The following SNCG variants were observed in gnomAD, a reference collection of about 807,000 sequenced individuals.
SNCG encodes the protein synuclein gamma.
A neutral mutation model predicts 16.0 loss-of-function variants in SNCG; 13 were observed. The ratio of observed to expected loss-of-function variants is 0.81; its 90% confidence interval spans 0.53 to 1.29. The LOEUF (loss-of-function observed/expected upper bound fraction) is 1.29. Among genes scored for constraint, SNCG ranks in the 50% most tolerant of loss-of-function variants. The pLI is 0.00. For synonymous variants in SNCG, 66 were observed against 66.3 expected, an observed-to-expected ratio of 1.00 and a Z score of 0.02; for missense variants, 154 against 168.5, an observed-to-expected ratio of 0.91 and a Z score of 0.48.
Position 86,959,996 on chromosome 10 carries a change from C to T in SNCG, c.164-5C>T, listed in dbSNP as rs1414105974. The T allele has an allele frequency of 6.3e-7, 1 of 1,590,880 alleles. No homozygotes were observed. The highest frequency in any genetic ancestry group is 8.5e-7 in the Non-Finnish European group (1 of 1,169,672). On this transcript the variant is annotated splice_polypyrimidine_tract_variant and splice_region_variant and intron_variant, in intron 2 of 4. Coordinates refer to ENST00000372017, the MANE Select transcript of SNCG (RefSeq NM_003087.3). This position sits in a 1 kb window ranked among gnomAD's most constrained non-coding sequence, Gnocchi z 4.3. ...GGGTGGAGGCCAGCCAGTGTCCTCCCATAGTGGCCGAGAAGACCAAGGAGC... is the reference window on the plus strand; with the variant it reads ...GGGTGGAGGCCAGCCAGTGTCCTCCTATAGTGGCCGAGAAGACCAAGGAGC...
Position 86,959,454 on chromosome 10 carries a change from T to C in SNCG, c.122-179T>C, listed in dbSNP as rs1844299441. 9.4e-6 allele frequency: 6 copies of C among 636,970 alleles called. No homozygotes were observed. The highest frequency in any genetic ancestry group is 9.1e-5 in the African/African-American group (5 of 54,670). The allele number at this position is 636,970 out of a possible 1,614,324, so 39.5% of individuals were successfully genotyped here. A position where few individuals can be genotyped will look rare whatever the true frequency, so the allele number is the denominator to read the frequency against. On this transcript the variant is annotated intron_variant, in intron 1 of 4. Coordinates refer to ENST00000372017, the MANE Select transcript of SNCG (RefSeq NM_003087.3). This position sits in a 1 kb window ranked among gnomAD's most constrained non-coding sequence, Gnocchi z 4.3. ...CACATTCTGTCCTGTCCCCTTCCCA[T>C]CCATCCACTTCTTCCAGACACAGCA... is the stretch of plus-strand genomic sequence containing the variant.
Position 86,962,633 on chromosome 10 carries a change from G to T in SNCG, c.321G>T (p.Gln107His). ...KEDLRPSAPQ[Q>H]EGEASKEKEE... ...ACTTGAGGCCATCTGCCCCCCAACA[G>T]GAGGGTGAGGCATCCAAAGAGAAAG... Residue 107 changes from glutamine to histidine, a missense_variant, in exon 4 of 5, where the codon CAG becomes CAT. By Grantham distance (24) the Gln-to-His change is conservative. Transcript: ENST00000372017. The T allele has an allele frequency of 6.2e-7, 1 of 1,612,996 alleles. No individual in the cohort carries two copies. Among genetic ancestry groups the T allele is most frequent in the Non-Finnish European group, 8.5e-7 (1 of 1,179,530 alleles).
Position 86,960,031 on chromosome 10 carries a change from C to T in SNCG, c.194C>T (p.Ala65Val), listed in dbSNP as rs199851904. The T allele has an allele frequency of 3.1e-6, 5 of 1,609,894 alleles. No individual in the cohort carries two copies. The highest frequency in any genetic ancestry group is 1.3e-5 in the African/African-American group (1 of 75,032). Residue 65 changes from alanine to valine, a missense_variant, in exon 3 of 5, where the codon GCC becomes GTC. By Grantham distance (64) the Ala-to-Val change is moderately conservative. Coordinates refer to ENST00000372017, the MANE Select transcript of SNCG (RefSeq NM_003087.3). ...GAGAAGACCAAGGAGCAGGCCAACG[C>T]CGTGAGCGAGGCTGTGGTGAGCAGC... ...VAEKTKEQAN[A>V]VSEAVVSSVN...
At position 86,959,395 on chromosome 10, in the gene SNCG, T is replaced by G; in HGVS notation, c.122-238T>G. 3.4e-6 allele frequency: 2 copies of G among 584,814 alleles called. No individual in the cohort carries two copies. Among genetic ancestry groups the G allele is most frequent in the South Asian group, 2.0e-5 (1 of 48,884 alleles). The allele number at this position is 584,814 out of a possible 1,614,324, so 36.2% of individuals were successfully genotyped here. On this transcript the variant is annotated intron_variant, in intron 1 of 4. Coordinates refer to ENST00000372017, the MANE Select transcript of SNCG (RefSeq NM_003087.3). This position sits in a 1 kb window ranked among gnomAD's most constrained non-coding sequence, Gnocchi z 4.3. The stretch of plus-strand genomic sequence containing the variant: ...GGGGCTGGACCCTGGGTCTAGCCAG[T>G]GTCCCTACCTCAGGCCTGCTCTCTC...
upstream of SNCG, chr10:86,957,914 G>A: frequency 1.9e-6 from 2 of 1,057,780 alleles, no homozygotes; most frequent in Non-Finnish European, 1.1e-6. Flanking sequence ...CCATCTCAGG[G>A]GACCTGCTGC....
Position 86,959,726 on chromosome 10 carries a change from C to T in SNCG, c.163+52C>T. The T allele has an allele frequency of 1.3e-6, 2 of 1,519,470 alleles. No homozygotes were observed. Among genetic ancestry groups the T allele is most frequent in the Non-Finnish European group, 1.8e-6 (2 of 1,118,504 alleles). The allele number at this position is 1,519,470 out of a possible 1,614,324, so 94.1% of individuals were successfully genotyped here. Reference sequence around the variant, plus strand: ...CATGGGGGATAGGACCCCTGGGGCTCCTGCATCCTAGTGCTGGGGCTCAAA... The same window carrying T: ...CATGGGGGATAGGACCCCTGGGGCTTCTGCATCCTAGTGCTGGGGCTCAAA... On this transcript the variant is annotated intron_variant, in intron 2 of 4. Transcript: ENST00000372017. This position sits in a 1 kb window ranked among gnomAD's most constrained non-coding sequence, Gnocchi z 4.3.
chr10:86,962,474 CCAAGTA>C (rs890041909), intron 3 of SNCG, 124 bp from the exon 4 acceptor site: 2 of 625,450 alleles, frequency 3.2e-6, no homozygotes, highest in African/African-American at 3.7e-5. Context: ...TCCAGCCCCT[CCAAGTA>C]CAACAAGGCC....
chr10:86,961,820 G>T (rs1201073947), intron 3 of SNCG, among the ~76,000 whole-genome samples: 1 of 152,140 alleles, frequency 6.6e-6, no homozygotes, highest in Non-Finnish European at 1.5e-5. Flanking sequence ...ACTCCGCCAA[G>T]GGGCAGGATG....
Position 86,960,019 on chromosome 10 carries a change from A to T in SNCG, c.182A>T (p.Glu61Val). 3.1e-6 allele frequency: 5 copies of T among 1,605,440 alleles called. No homozygotes were observed. The highest frequency in any genetic ancestry group is 4.2e-6 in the Non-Finnish European group (5 of 1,176,866). Reference protein sequence around the residue: ...SVTSVAEKTKEQANAVSEAVV... With the variant: ...SVTSVAEKTKVQANAVSEAVV... Reference sequence around the variant, plus strand: ...CCCATAGTGGCCGAGAAGACCAAGGAGCAGGCCAACGCCGTGAGCGAGGCT... The same window carrying T: ...CCCATAGTGGCCGAGAAGACCAAGGTGCAGGCCAACGCCGTGAGCGAGGCT... Residue 61 changes from glutamate to valine, a missense_variant, in exon 3 of 5, where the codon GAG (glutamate) becomes GTG (valine). Transcript: ENST00000372017.
At chr10:86,962,508 C>T in intron 3 of SNCG, 96 bp from the exon 4 acceptor site, 1 of 849,690 alleles carries the variant, frequency 1.2e-6, no homozygotes, top group Non-Finnish European at 1.9e-6. Context: ...GCCTCTGCTC[C>T]TCCTTGAGGC....
At chr10:86,958,589 A>C, upstream of SNCG, 1 of 1,351,368 alleles carries the variant, frequency 7.4e-7, no homozygotes, top group Non-Finnish European at 9.8e-7. Context: ...CGTCAATAGG[A>C]GGCATCGGGG....
chr10:86,958,023 C>G (rs145269115), upstream of SNCG: 12 of 985,384 alleles, frequency 1.2e-5, no homozygotes, highest in Middle Eastern at 5.2e-4. Context: ...ATTCTGGGGT[C>G]ACACAGCATG....
chr10:86,962,779 G>C (rs1589314853), intron 4 of SNCG, 104 bp downstream of exon 4: 1 of 1,175,252 alleles, frequency 8.5e-7, no homozygotes, highest in South Asian at 1.4e-5. Flanking sequence ...GCCCAGAGGG[G>C]CCTCCTGACC....
At chr10:86,961,609 C>T (rs1338577451) in intron 3 of SNCG, among the ~76,000 whole-genome samples, 1 of 152,190 alleles carries the variant, frequency 6.6e-6, no homozygotes, top group African/African-American at 2.4e-5. Context: ...GAGGGAGACT[C>T]ATTTCCTGGT....
chr10:86,960,270 C>A, intron 3 of SNCG, 142 bp downstream of exon 3: 1 of 797,472 alleles, frequency 1.3e-6, no homozygotes, highest in Non-Finnish European at 1.9e-6. Flanking sequence ...CCACTGAGCG[C>A]CGGCATGGGG....
chr10:86,958,500 C>CAACCCAA, upstream of SNCG: 1 of 1,098,606 alleles, frequency 9.1e-7, no homozygotes, highest in East Asian at 7.0e-5. Flanking sequence ...ACCTCCTTCC[C>CAACCCAA]TCCCTCCCTC....
At chr10:86,955,797 AG>A (rs1844214484), upstream of SNCG, among the ~76,000 whole-genome samples, 1 of 152,176 alleles carries the variant, frequency 6.6e-6, no homozygotes, top group Non-Finnish European at 1.5e-5. Flanking sequence ...GGATGTGGGA[AG>A]GAGAGCCCTG....
At chr10:86,957,455 G>A (rs146099184), upstream of SNCG, 249 of 1,613,604 alleles carry the variant, frequency 1.5e-4, no homozygotes, top group Middle Eastern at 3.3e-4. Context: ...GCAGATCAGA[G>A]AGGCTAGTAC....
chr10:86,958,741 T>C lies in SNCG; in HGVS notation c.44T>C (p.Val15Ala). The C allele has an allele frequency of 6.2e-7, 1 of 1,613,630 alleles. No individual in the cohort carries two copies. The highest frequency in any genetic ancestry group is 8.5e-7 in the Non-Finnish European group (1 of 1,179,858). ...KKGFSIAKEG[V>A]VGAVEKTKQG... ...GGCTTCTCCATCGCCAAGGAGGGCG[T>C]GGTGGGTGCGGTGGAAAAGACCAAG... Residue 15 changes from valine (V) to alanine (A), a missense_variant, in exon 1 of 5, where the codon GTG becomes GCG. Physicochemically the swap from Val to Ala is moderately conservative, Grantham distance 64 (BLOSUM62 0). Transcript: ENST00000372017.
Sources: gnomAD v4.1 joint callset for allele counts (sites outside exome capture counted in the v4.1 genomes callset) on GRCh38, gnomAD v4.1.1 for gene constraint, Gnocchi (gnomAD v3.1) non-coding constraint, MANE v1.5 for transcripts, NCBI Gene and HGNC (gene_info 2026-07-23, HGNC 2026-07-21) for gene names.